ARHGEF6: variants seen among roughly 807,000 people sequenced by gnomAD.
ARHGEF6 encodes the protein Rac/Cdc42 guanine nucleotide exchange factor 6.
ARHGEF6 carries 9 observed loss-of-function variants against 70.3 expected under a neutral mutation model. The observed-to-expected ratio is 0.13, with a 90% confidence interval of 0.08 to 0.22. The LOEUF (loss-of-function observed/expected upper bound fraction) is 0.22, where lower values mean the gene tolerates loss of function less well. Ranked by LOEUF, ARHGEF6 falls within the 10% of genes least tolerant of loss-of-function variation. The pLI is 1.00. For synonymous variants in ARHGEF6, 201 were observed against 207.8 expected (o/e 0.97, Z 0.28); for missense variants, 470 against 563.0 (o/e 0.83, Z 1.67).
chrX:136,747,480 G>A lies in ARHGEF6; in HGVS notation c.334+28C>T, dbSNP rs761727086. 21 of 1,169,470 alleles carry A rather than the reference G, an allele frequency of 1.8e-5. No homozygotes were observed. In the South Asian group the frequency reaches 3.4e-4, roughly 19 times the overall value. ...CACATGGATTCAAAAATGTCACCCAGAACATATAAATCACAAGCCCGGCTT... is the reference window on the plus strand; with the variant it reads ...CACATGGATTCAAAAATGTCACCCAAAACATATAAATCACAAGCCCGGCTT... On this transcript the variant is annotated intron_variant, in intron 3 of 21. Transcript: ENST00000250617.
At chrX:136,678,651 A>G (rs918926459) in intron 16 of ARHGEF6, among the ~76,000 whole-genome samples, 4 of 111,825 alleles carry the variant, frequency 3.6e-5, no homozygotes, top group African/African-American at 6.5e-5. Flanking sequence ...GGTGGTTTCA[A>G]TCAAAACACT....
chrX:136,723,075 T>C (rs1387241890), intron 6 of ARHGEF6, among the ~76,000 whole-genome samples: 1 of 112,580 alleles, frequency 8.9e-6, no homozygotes, highest in African/African-American at 3.2e-5. Flanking sequence ...ATTCCATGTA[T>C]GTAAAACTTC....
At chrX:136,708,600 G>A (rs1300704725) in intron 8 of ARHGEF6, 75 bp downstream of exon 8, 1 of 905,190 alleles carries the variant, frequency 1.1e-6, no homozygotes, top group African/African-American at 2.0e-5. Context: ...CCTTATCAAA[G>A]GCAACAGGTA....
At chrX:136,733,049 A>T (rs2076951744) in intron 5 of ARHGEF6, among the ~76,000 whole-genome samples, 1 of 110,819 alleles carries the variant, frequency 9.0e-6, no homozygotes, top group African/African-American at 3.3e-5. Context: ...GTTGTAAAAT[A>T]CTGCCCTTCT....
intron 20 of ARHGEF6, among the ~76,000 whole-genome samples, chrX:136,671,154 C>T (rs2076222092): frequency 8.9e-6 from 1 of 112,171 alleles, no homozygotes; most frequent in African/African-American, 3.2e-5. Context: ...AAAGCATTAC[C>T]GTCATCCTTA....
intron 9 of ARHGEF6, among the ~76,000 whole-genome samples, chrX:136,694,487 T>G (rs2076491104): frequency 8.9e-6 from 1 of 111,878 alleles, no homozygotes; most frequent in Admixed American, 9.4e-5. Context: ...CACAACTTTT[T>G]GGGGGGTTTC....
chrX:136,762,924 A>G (rs1043384301), intron 2 of ARHGEF6, among the ~76,000 whole-genome samples: 1 of 111,886 alleles, frequency 8.9e-6, no homozygotes, highest in African/African-American at 3.3e-5. Context: ...ACAACTTCTC[A>G]AGAAAAAAAA....
intron 3 of ARHGEF6, among the ~76,000 whole-genome samples, chrX:136,747,260 G>A (rs780316422): frequency 9.9e-5 from 11 of 111,135 alleles, no homozygotes; most frequent in Admixed American, 6.7e-4. Context: ...TCAGAGCTTT[G>A]AATGGAATAG....
rs1351007268 is a variant in ARHGEF6, at chrX:136,677,840, G to C, written c.1851+96C>G. On this transcript the variant is annotated intron_variant, in intron 17 of 21. Coordinates refer to ENST00000250617, the MANE Select transcript of ARHGEF6 (RefSeq NM_004840.3). ...ATATTTTAGCCACCAATTATAACAA[G>C]GGACAAAACAAGCATAAGGGAAAGC... The C allele has an allele frequency of 1.6e-5, 12 of 732,938 alleles. 1 individual carries two copies. The highest frequency in any genetic ancestry group is 2.4e-5 in the Non-Finnish European group (12 of 498,350). 60.4% of individuals were successfully genotyped at this position (732,938 alleles called of 1,213,427 possible).
intron 20 of ARHGEF6, among the ~76,000 whole-genome samples, 174 bp from the exon 21 acceptor site, chrX:136,669,710 GAAC>G (rs1181141332): frequency 1.8e-5 from 2 of 112,006 alleles, no homozygotes; most frequent in Non-Finnish European, 3.8e-5. Flanking sequence ...TTTGATGGAA[GAAC>G]AACCACCACC....
At chrX:136,682,435 G>C (rs1347402669) in intron 13 of ARHGEF6, among the ~76,000 whole-genome samples, 1 of 112,021 alleles carries the variant, frequency 8.9e-6, no homozygotes. Context: ...CATAGGAGCA[G>C]GTCCCAGCTT....
rs757915111 is a variant in ARHGEF6 at position 136,747,603 on chromosome X, G to C, written c.250-11C>G. On this transcript the variant is annotated splice_polypyrimidine_tract_variant and intron_variant, in intron 2 of 21. Transcript: ENST00000250617. The stretch of plus-strand genomic sequence containing the variant: ...ATCAGGATCAAATATCTATGAGAAA[G>C]GAAAATTGAAACCGTAAGACACTAC... 3 of 1,135,637 alleles carry C rather than the reference G, an allele frequency of 2.6e-6. No homozygotes were observed. In the South Asian group the frequency reaches 5.5e-5, roughly 21 times the overall value. The allele number at this position is 1,135,637 out of a possible 1,213,427, so 93.6% of individuals were successfully genotyped here.
intron 9 of ARHGEF6, among the ~76,000 whole-genome samples, chrX:136,695,758 C>G (rs149528687): frequency 1.3e-3 from 150 of 111,784 alleles, no homozygotes; most frequent in African/African-American, 4.4e-3. Context: ...GAAAACATTC[C>G]TGGAAATGAC....
chrX:136,761,047 A>G (rs1003379578), intron 2 of ARHGEF6, among the ~76,000 whole-genome samples: 1 of 112,465 alleles, frequency 8.9e-6, no homozygotes, highest in Non-Finnish European at 1.9e-5. Flanking sequence ...ATTAGAACAC[A>G]AAATGGTAGC....
chrX:136,747,655 A>G, intron 2 of ARHGEF6, 63 bp from the exon 3 acceptor site: 1 of 689,092 alleles, frequency 1.5e-6, no homozygotes, highest in South Asian at 2.4e-5. Flanking sequence ...AAACAAAACT[A>G]TCAAAAGGCC....
chrX:136,711,936 T>C (rs7888063), intron 7 of ARHGEF6, among the ~76,000 whole-genome samples: 1 of 112,441 alleles, frequency 8.9e-6, no homozygotes, highest in East Asian at 2.8e-4. Context: ...ATAGAAAATT[T>C]TTTCATACTG....
intron 6 of ARHGEF6, among the ~76,000 whole-genome samples, chrX:136,720,445 A>AT (rs917180944): frequency 1.1e-4 from 12 of 109,627 alleles, no homozygotes; most frequent in African/African-American, 3.6e-4. Flanking sequence ...TCCATTCATG[A>AT]TTTTTTTTTA....
rs1407593127 is a variant in ARHGEF6, at chrX:136,684,066, C to T, written c.1393-1222G>A. ...CTCTGCATTGATCCATCCCTAACTG[C>T]ACCCCCATTGCTCTTGGAAAGTCAT... On this transcript the variant is annotated intron_variant, in intron 12 of 21. Coordinates refer to ENST00000250617, the MANE Select transcript of ARHGEF6 (RefSeq NM_004840.3). Among the ~76,000 whole-genome samples the T allele has an allele frequency of 4.5e-5, 5 of 112,275 alleles. No homozygotes were observed. In the Admixed American group the frequency reaches 4.7e-4, roughly 11 times the overall value.
At position 136,674,906 on chromosome X, in the gene ARHGEF6, AC is replaced by A. The variant is rs1300794499; in HGVS notation, c.2035+100del. 5.3e-6 allele frequency: 4 copies of A among 749,652 alleles called. No homozygotes were observed. The East Asian group carries it at 1.3e-4, about 25-fold the overall frequency. The allele number at this position is 749,652 out of a possible 1,213,427, so 61.8% of individuals were successfully genotyped here. ...CTGCACCAAGTCACCTGCTTTCCAC[AC>A]CCTGCAACCCATCCGGGTTGCTTTT... On this transcript the variant is annotated intron_variant, in intron 19 of 21. Coordinates refer to ENST00000250617, the MANE Select transcript of ARHGEF6 (RefSeq NM_004840.3).
Sources: gnomAD v4.1 joint callset for allele counts (sites outside exome capture counted in the v4.1 genomes callset) on GRCh38, gnomAD v4.1.1 for gene constraint, MANE v1.5 for transcripts, NCBI Gene and HGNC (gene_info 2026-07-23, HGNC 2026-07-21) for gene names.